ANKS1B: variants seen among roughly 807,000 people sequenced by gnomAD.
ANKS1B encodes the protein ankyrin repeat and sterile alpha motif domain containing 1B, also known as ankyrin repeat and sterile alpha motif domain-containing protein 1B.
In ANKS1B, 36 loss-of-function variants were observed where a neutral mutation model predicts 148.3. The observed-to-expected ratio is 0.24, with a 90% CI of 0.19 to 0.32. ANKS1B has a LOEUF of 0.32. ANKS1B is among the 10% of genes least tolerant of loss of function. ANKS1B has a pLI of 1.00. For synonymous variants in ANKS1B, 542 were observed against 560.8 expected (o/e 0.97, Z 0.47); for missense variants, 1,157 against 1,542.6 (o/e 0.75, Z 4.19).
intron 1 of ANKS1B, among the ~76,000 whole-genome samples, chr12:99,863,727 A>T (rs1226954274): frequency 6.6e-6 from 1 of 151,648 alleles, no homozygotes; most frequent in Non-Finnish European, 1.5e-5. Flanking sequence ...AAAAATAAAA[A>T]AAAAAATTCT....
chr12:98,852,493 A>C (rs899147190), intron 17 of ANKS1B, among the ~76,000 whole-genome samples: 2 of 152,188 alleles, frequency 1.3e-5, no homozygotes, highest in Non-Finnish European at 2.9e-5. Context: ...CTCTGGGAGT[A>C]CTACTTTCTA....
In ANKS1B at chr12:99,330,523, A is replaced by C. The variant is rs368027642; in HGVS notation, c.1756+69108T>G. Among the ~76,000 whole-genome samples, 20 of 152,154 alleles carry C rather than the reference A, an allele frequency of 1.3e-4. No homozygotes were observed. In the East Asian group the frequency reaches 2.9e-3, roughly 22 times the overall value. On this transcript the variant is annotated intron_variant, in intron 12 of 26. Transcript: ENST00000683438. ...TTTGTGATTGTTCTATAAAACAAAT[A>C]TTACATTTCCCTCCAAAGGATCTTC...
intron 14 of ANKS1B, among the ~76,000 whole-genome samples, chr12:99,202,658 G>C (rs1346429704): frequency 6.6e-6 from 1 of 152,200 alleles, no homozygotes; most frequent in Non-Finnish European, 1.5e-5. Flanking sequence ...CATGTCTATA[G>C]TATTGATATA....
At chr12:99,454,883 G>T (rs1193105179) in intron 10 of ANKS1B, among the ~76,000 whole-genome samples, 1 of 152,172 alleles carries the variant, frequency 6.6e-6, no homozygotes, top group Non-Finnish European at 1.5e-5. Flanking sequence ...AGAAAGGGAG[G>T]CCATAGAAGA....
At chr12:99,633,207 C>T (rs1308924299) in intron 9 of ANKS1B, among the ~76,000 whole-genome samples, 1 of 151,734 alleles carries the variant, frequency 6.6e-6, no homozygotes, top group Non-Finnish European at 1.5e-5. Context: ...TGAATAGTGC[C>T]GCAATAAACA....
intron 15 of ANKS1B, among the ~76,000 whole-genome samples, chr12:99,089,290 C>A (rs145751397): frequency 6.6e-6 from 1 of 152,158 alleles, no homozygotes; most frequent in African/African-American, 2.4e-5. Flanking sequence ...CCAGTACACT[C>A]CAGTCCCATG....
chr12:99,028,462 A>G (rs1312842683), intron 17 of ANKS1B, among the ~76,000 whole-genome samples: 2 of 152,336 alleles, frequency 1.3e-5, no homozygotes, highest in East Asian at 1.9e-4. Context: ...TTATACATTT[A>G]TTCCCACTTA....
intron 8 of ANKS1B, among the ~76,000 whole-genome samples, chr12:99,666,652 C>T (rs574851750): frequency 2.0e-5 from 3 of 152,188 alleles, no homozygotes; most frequent in East Asian, 1.9e-4. Flanking sequence ...GGGGTAAACA[C>T]ACGTTTCGTG....
rs1174497286 is a variant in ANKS1B at position 98,838,030 on chromosome 12, G to T, written c.2779-5894C>A. Among the ~76,000 whole-genome samples, 4 of 152,200 alleles carry T rather than the reference G, an allele frequency of 2.6e-5. No homozygotes were observed. The East Asian group carries it at 7.7e-4, about 29-fold the overall frequency. On this transcript the variant is annotated intron_variant, in intron 17 of 26. Transcript: ENST00000683438. ...TTATGTTTTGTGGTGGTCATATCACGAGTACCATTTTCGCCTTTTCTTCAG... is the reference window on the plus strand; with the variant it reads ...TTATGTTTTGTGGTGGTCATATCACTAGTACCATTTTCGCCTTTTCTTCAG...
intron 9 of ANKS1B, among the ~76,000 whole-genome samples, chr12:99,552,467 A>T (rs2097229863): frequency 6.6e-6 from 1 of 152,240 alleles, no homozygotes; most frequent in Non-Finnish European, 1.5e-5. Context: ...CCCACTGTCT[A>T]GCACAGTGTC....
chr12:99,258,609 T>TG (rs1491263825), intron 12 of ANKS1B, among the ~76,000 whole-genome samples: 2 of 59,626 alleles, frequency 3.4e-5, no homozygotes, highest in Non-Finnish European at 7.1e-5. Context: ...ATTATCCACT[T>TG]GTTTTTTTTT....
intron 9 of ANKS1B, among the ~76,000 whole-genome samples, chr12:99,614,175 C>A (rs999060733): frequency 2.6e-5 from 4 of 152,012 alleles, no homozygotes; most frequent in African/African-American, 9.7e-5. Flanking sequence ...TGGCTCACAA[C>A]TGTAATCCCA....
intron 8 of ANKS1B, among the ~76,000 whole-genome samples, chr12:99,768,825 GAAAAAAAAAA>G (rs71088151): frequency 1.4e-5 from 1 of 69,404 alleles, no homozygotes; most frequent in East Asian, 4.4e-4. Flanking sequence ...CTCCGTCTCA[GAAAAAAAAAA>G]AAAAAAAAAA....
chr12:99,963,059 C>A (rs1055401241), intron 1 of ANKS1B, among the ~76,000 whole-genome samples: 37 of 152,138 alleles, frequency 2.4e-4, no homozygotes, highest in Admixed American at 3.9e-4. Flanking sequence ...GTGATGCACC[C>A]ACCTCGGCCT....
chr12:98,777,046 A>G (rs578200100), intron 24 of ANKS1B, among the ~76,000 whole-genome samples: 1 of 152,288 alleles, frequency 6.6e-6, no homozygotes, highest in Non-Finnish European at 1.5e-5. Context: ...TTAAATAATT[A>G]GCCAGGCTTG....
At chr12:99,403,465 C>A (rs1236192236) in intron 11 of ANKS1B, among the ~76,000 whole-genome samples, 1 of 134,118 alleles carries the variant, frequency 7.5e-6, no homozygotes, top group Admixed American at 7.2e-5. Flanking sequence ...CCCCCAATGC[C>A]CACTTTTTAA....
At chr12:99,100,684 C>G (rs1409571967) in intron 15 of ANKS1B, among the ~76,000 whole-genome samples, 1 of 152,190 alleles carries the variant, frequency 6.6e-6, no homozygotes, top group African/African-American at 2.4e-5. Context: ...CACATGCCAT[C>G]ACGCCCAGCT....
At chr12:99,607,195 T>C (rs893848494) in intron 9 of ANKS1B, among the ~76,000 whole-genome samples, 2 of 152,030 alleles carry the variant, frequency 1.3e-5, no homozygotes, top group African/African-American at 2.4e-5. Context: ...GACTTCACCA[T>C]AGCCTCCTTC....
At chr12:99,932,963 T>C (rs962825245) in intron 1 of ANKS1B, among the ~76,000 whole-genome samples, 2 of 152,186 alleles carry the variant, frequency 1.3e-5, no homozygotes, top group Admixed American at 1.3e-4. Context: ...AGGGGTCCAG[T>C]TTCATTCTTG....
Sources: gnomAD v4.1 joint callset for allele counts (sites outside exome capture counted in the v4.1 genomes callset) on GRCh38, gnomAD v4.1.1 for gene constraint, MANE v1.5 for transcripts, NCBI Gene and HGNC (gene_info 2026-07-23, HGNC 2026-07-21) for gene names.